Variants in CAPN2 observed in about 807,000 individuals in gnomAD.
The protein encoded by CAPN2 is calpain 2, also known as calpain-2 catalytic subunit.
A neutral mutation model predicts 102.3 loss-of-function variants in CAPN2; 92 were observed. That is an observed-to-expected ratio of 0.90 (90% CI 0.76 to 1.07). The LOEUF is 1.07. Ranked by LOEUF, CAPN2 falls within the 50% of genes least tolerant of loss-of-function variation. The pLI is 0.00. For synonymous variants in CAPN2, 340 were observed against 355.4 expected, an observed-to-expected ratio of 0.96 and a Z score of 0.49; for missense variants, 800 against 909.4, an observed-to-expected ratio of 0.88 and a Z score of 1.55.
chr1:223,772,356 C>T (rs539369729), intron 20 of CAPN2, 117 bp downstream of exon 20: 6 of 800,452 alleles, frequency 7.5e-6, no homozygotes, highest in Middle Eastern at 3.6e-4. Flanking sequence ...CTTGGTCTGT[C>T]GGGGCCAGGC....
intron 1 of CAPN2, among the ~76,000 whole-genome samples, chr1:223,704,729 C>T (rs1012386052): frequency 6.6e-6 from 1 of 152,198 alleles, no homozygotes; most frequent in African/African-American, 2.4e-5. Context: ...GGGCTCAGCC[C>T]TGTGCCTGGA....
At chr1:223,741,702 G>C (rs531280566) in intron 2 of CAPN2, among the ~76,000 whole-genome samples, 1 of 151,954 alleles carries the variant, frequency 6.6e-6, no homozygotes, top group African/African-American at 2.4e-5. Flanking sequence ...CTATCTGCCC[G>C]CCTTGGCCTC....
chr1:223,718,035 G>C (rs1451762382), intron 2 of CAPN2, among the ~76,000 whole-genome samples: 2 of 152,242 alleles, frequency 1.3e-5, no homozygotes, highest in African/African-American at 2.4e-5. Context: ...GAGGCCTCCT[G>C]TGTCCCCTGC....
chr1:223,709,761 C>A (rs947154746), upstream of CAPN2, among the ~76,000 whole-genome samples: 5 of 152,024 alleles, frequency 3.3e-5, no homozygotes, highest in African/African-American at 1.2e-4. Flanking sequence ...ATTTACATGA[C>A]GTGAAGAGTA....
Position 223,717,155 on chromosome 1 carries a change from G to A in CAPN2, c.238-607G>A, listed in dbSNP as rs149154722. 5.6e-3 allele frequency among the ~76,000 whole-genome samples: 857 copies of A among 152,236 alleles called. 10 individuals carry two copies. Among genetic ancestry groups the A allele is most frequent in the African/African-American group, 0.019 (783 of 41,534 alleles). On this transcript the variant is annotated intron_variant, in intron 1 of 20. Transcript: ENST00000295006. Reference sequence around the variant, plus strand: ...GAAGAATTCAAAAGGGTTAGATCCCGCCTGCCCTCAAAAGGGTATGTGTTA... The same window carrying A: ...GAAGAATTCAAAAGGGTTAGATCCCACCTGCCCTCAAAAGGGTATGTGTTA...
rs530298746 is a variant in CAPN2 at position 223,745,447 on chromosome 1, G to A, written c.560+8G>A. ...GGAGAAGGCATACGCCAAGTAAGTT[G>A]CCATCCTCCCCTGGCCCCATGGCCT... On this transcript the variant is annotated splice_region_variant and intron_variant, in intron 4 of 20. Transcript: ENST00000295006. The A allele has an allele frequency of 6.8e-6, 11 of 1,614,012 alleles. No individual in the cohort carries two copies. Among genetic ancestry groups the A allele is most frequent in the Non-Finnish European group, 9.3e-6 (11 of 1,180,008 alleles).
At chr1:223,768,246 T>G (rs1426047740) in intron 16 of CAPN2, among the ~76,000 whole-genome samples, 1 of 150,812 alleles carries the variant, frequency 6.6e-6, no homozygotes, top group East Asian at 1.9e-4. Context: ...TTTGGTGTTT[T>G]AGACATGAAG....
At chr1:223,706,066 G>A (rs1001660485) in intron 1 of CAPN2, among the ~76,000 whole-genome samples, 1 of 152,238 alleles carries the variant, frequency 6.6e-6, no homozygotes, top group Admixed American at 6.5e-5. Flanking sequence ...ACTGGTGGGT[G>A]AGGGGCAGCA....
chr1:223,770,402 C>A, intron 17 of CAPN2, 45 bp from the exon 18 acceptor site: 1 of 1,420,294 alleles, frequency 7.0e-7, no homozygotes, highest in Non-Finnish European at 9.9e-7. Context: ...AACTTGCCAG[C>A]TTTGCTTTGG....
At chr1:223,706,558 C>T (rs1199578527) in intron 1 of CAPN2, among the ~76,000 whole-genome samples, 2 of 152,108 alleles carry the variant, frequency 1.3e-5, no homozygotes, top group African/African-American at 2.4e-5. Context: ...GGACAGACCC[C>T]AAGGGACCAT....
At position 223,726,641 on chromosome 1, in the gene CAPN2, C is replaced by G. The variant is rs1218485006; in HGVS notation, c.307+8810C>G. ...GAAGGGAAAGGAAAGGCCTGGGACA[C>G]GTGGTTTGGATCACTGGCTGTGGCT... On this transcript the variant is annotated intron_variant, in intron 2 of 20. Coordinates refer to ENST00000295006, the MANE Select transcript of CAPN2 (RefSeq NM_001748.5). The surrounding 1 kb of genome is among the most constrained non-coding windows in gnomAD (Gnocchi z 4.4). Among the ~76,000 whole-genome samples, 1 of 152,108 alleles carries G rather than the reference C, an allele frequency of 6.6e-6. No individual in the cohort carries two copies. The highest frequency in any genetic ancestry group is 2.4e-5 in the African/African-American group (1 of 41,428).
chr1:223,750,996 G>A (rs561761519), intron 7 of CAPN2, 21 bp downstream of exon 7: 53 of 1,546,336 alleles, frequency 3.4e-5, no homozygotes, highest in Middle Eastern at 1.7e-4. Context: ...CGCAGGCCTC[G>A]GGGCCCCAGG....
At chr1:223,749,675 T>C (rs765811527) in intron 6 of CAPN2, among the ~76,000 whole-genome samples, 28 of 152,320 alleles carry the variant, frequency 1.8e-4, no homozygotes, top group Admixed American at 5.2e-4. Flanking sequence ...TCACACATCA[T>C]ATATAAGGAG....
At chr1:223,751,446 CCTCAGCCTA>C (rs1660895125) in intron 7 of CAPN2, among the ~76,000 whole-genome samples, 1 of 152,210 alleles carries the variant, frequency 6.6e-6, no homozygotes, top group East Asian at 1.9e-4. Context: ...GCTGTGGCAA[CCTCAGCCTA>C]CTTGCTCTGC....
chr1:223,737,721 G>GTA (rs146144248), intron 2 of CAPN2, among the ~76,000 whole-genome samples: 62,618 of 69,944 alleles, frequency 0.9, 28,621 homozygotes, highest in East Asian at 0.97. Context: ...GGGTGGGGGG[G>GTA]AGAGAATACA....
intron 7 of CAPN2, 132 bp downstream of exon 7, chr1:223,751,107 C>A: frequency 1.2e-6 from 1 of 812,068 alleles, no homozygotes; most frequent in Non-Finnish European, 2.0e-6. Flanking sequence ...GCCACGTGGA[C>A]AGGGACCCGT....
intron 18 of CAPN2, chr1:223,770,871 A>G: frequency 5.4e-6 from 1 of 186,148 alleles, no homozygotes; most frequent in East Asian, 1.5e-4. Flanking sequence ...CCCTTAGGGT[A>G]AGACCCTAGC....
At chr1:223,708,632 A>G (rs1420894711), upstream of CAPN2, among the ~76,000 whole-genome samples, 1 of 151,484 alleles carries the variant, frequency 6.6e-6, no homozygotes, top group East Asian at 2.0e-4. Flanking sequence ...TTAGCTGCAC[A>G]TGGCGGCTGG....
rs755882092 is a variant in CAPN2 at position 223,771,921 on chromosome 1, A to G, written c.2016A>G (p.Leu672=). The change falls in exon 19 of 21, where the codon CTA becomes CTG. Residue 672 remains leucine (L), a synonymous_variant. Coordinates refer to ENST00000295006, the MANE Select transcript of CAPN2 (RefSeq NM_001748.5). ...GGTGTTTGGTTCGGCTGGAAACGCT[A>G]TTCAGTAAGTGGATATTTGGGGAAT... ...FVRCLVRLET[L]FKIFKQLDPE... 12 of 1,603,160 alleles carry G rather than the reference A, an allele frequency of 7.5e-6. No homozygotes were observed. The South Asian group carries it at 1.3e-4, about 18-fold the overall frequency.
Sources: allele counts gnomAD v4.1 joint callset (sites outside exome capture counted in the v4.1 genomes callset), GRCh38; gene constraint gnomAD v4.1.1; non-coding constraint Gnocchi (gnomAD v3.1); transcripts MANE v1.5; gene names NCBI Gene and HGNC (gene_info 2026-07-23, HGNC 2026-07-21).